SGCZ: variants seen among roughly 807,000 people sequenced by gnomAD.
SGCZ encodes sarcoglycan zeta.
SGCZ carries 40 observed loss-of-function variants against 41.3 expected under a neutral mutation model. That is an observed-to-expected ratio of 0.97 (90% CI 0.75 to 1.26). The LOEUF (loss-of-function observed/expected upper bound fraction) is 1.26. Among genes scored for constraint, SGCZ ranks in the 50% most tolerant of loss-of-function variants. SGCZ has a pLI of 0.00. For missense variants in SGCZ, 552 were observed against 369.8 expected (o/e 1.49, Z -4.04); for synonymous variants, 206 against 137.5 (o/e 1.50, Z -3.49).
intron 1 of SGCZ, among the ~76,000 whole-genome samples, chr8:14,905,103 G>A (rs1799084521): frequency 6.6e-6 from 1 of 151,822 alleles, no homozygotes; most frequent in Non-Finnish European, 1.5e-5. Context: ...AAATTATAAG[G>A]AGAAAAATTG....
chr8:14,650,809 T>A lies in SGCZ; in HGVS notation c.40-95883A>T, dbSNP rs1807373696. Among the ~76,000 whole-genome samples, 3 of 152,062 alleles carry A rather than the reference T, an allele frequency of 2.0e-5. No individual in the cohort carries two copies. The South Asian group carries it at 6.2e-4, about 31-fold the overall frequency. ...GGCTCGTTCATTATCACAGTAATAT[T>A]ACATTATAACAAATGTTTATGTGGT... On this transcript the variant is annotated intron_variant, in intron 1 of 7. Transcript: ENST00000382080.
At chr8:14,872,928 A>C (rs1296861951) in intron 1 of SGCZ, among the ~76,000 whole-genome samples, 1 of 152,110 alleles carries the variant, frequency 6.6e-6, no homozygotes, top group Non-Finnish European at 1.5e-5. Context: ...AGTTTCACTG[A>C]CTTGAGAGTT....
intron 1 of SGCZ, among the ~76,000 whole-genome samples, chr8:14,739,055 A>G (rs183325322): frequency 6.6e-6 from 1 of 152,168 alleles, no homozygotes; most frequent in Admixed American, 6.6e-5. Context: ...ATGTACCCAT[A>G]TTGATCTGTT....
At chr8:14,240,731 G>A (rs1798853264) in intron 3 of SGCZ, among the ~76,000 whole-genome samples, 1 of 152,026 alleles carries the variant, frequency 6.6e-6, no homozygotes, top group Non-Finnish European at 1.5e-5. Context: ...ATGCCTGTAG[G>A]ATCATCACTT....
chr8:15,131,480 T>C (rs962697601), intron 1 of SGCZ, among the ~76,000 whole-genome samples: 1 of 152,242 alleles, frequency 6.6e-6, no homozygotes, highest in South Asian at 2.1e-4. Flanking sequence ...TATGTCTTTA[T>C]CAGCAGTGTG....
intron 1 of SGCZ, among the ~76,000 whole-genome samples, chr8:14,979,949 C>T (rs1801606839): frequency 6.6e-6 from 1 of 152,124 alleles, no homozygotes. Flanking sequence ...CATATTTGTA[C>T]AACCTTGTTA....
chr8:14,554,912 T>C lies in SGCZ; in HGVS notation c.54A>G (p.Gln18=), dbSNP rs572795524. 3.1e-6 allele frequency: 5 copies of C among 1,605,108 alleles called. No individual in the cohort carries two copies. The South Asian group carries it at 4.4e-5, about 14-fold the overall frequency. ...TATTCTGTTGGGTTGCTAGTATGTA[T>C]TGTTCTCGTGTCATCTGAAAAAGAA... ...DIEELKMTRE[Q]YILATQQNNL... Residue 18 remains glutamine (Q), a synonymous_variant, in exon 2 of 8, where the codon CAA becomes CAG. Transcript: ENST00000382080.
chr8:14,139,354 T>C (rs1394863627), intron 5 of SGCZ, among the ~76,000 whole-genome samples: 1 of 151,978 alleles, frequency 6.6e-6, no homozygotes, highest in Non-Finnish European at 1.5e-5. Flanking sequence ...AGAGCAGAGC[T>C]GAAGGAGATA....
intron 7 of SGCZ, among the ~76,000 whole-genome samples, chr8:14,095,097 TTTC>T (rs1302232605): frequency 1.3e-5 from 2 of 152,168 alleles, no homozygotes; most frequent in East Asian, 3.9e-4. Context: ...CTGATGATAG[TTTC>T]TTTTGCTCTG....
chr8:14,987,082 A>T (rs1178405367), intron 1 of SGCZ, among the ~76,000 whole-genome samples: 2 of 152,084 alleles, frequency 1.3e-5, no homozygotes, highest in African/African-American at 4.8e-5. Context: ...TTTGTTCTGC[A>T]TAAAGACAGT....
intron 2 of SGCZ, among the ~76,000 whole-genome samples, chr8:14,379,092 A>T (rs551610207): frequency 6.6e-6 from 1 of 152,344 alleles, no homozygotes; most frequent in African/African-American, 2.4e-5. Flanking sequence ...CACTATTTTT[A>T]CTACCACTGA....
intron 3 of SGCZ, chr8:14,319,323 T>A (rs1226578088): frequency 6.6e-6 from 1 of 151,978 alleles, no homozygotes. Context: ...GTGCTTGGAC[T>A]TAATAGTGAA....
intron 1 of SGCZ, among the ~76,000 whole-genome samples, chr8:14,977,490 C>T (rs937001984): frequency 6.6e-6 from 1 of 152,168 alleles, no homozygotes; most frequent in African/African-American, 2.4e-5. Flanking sequence ...CTTTCATCCA[C>T]ATCATCTAAT....
rs914114051 is a variant in SGCZ at position 14,560,436 on chromosome 8, C to T, written c.40-5510G>A. Among the ~76,000 whole-genome samples, 19 of 151,806 alleles carry T rather than the reference C, an allele frequency of 1.3e-4. No individual in the cohort carries two copies. The East Asian group carries it at 2.3e-3, about 19-fold the overall frequency. ...ATTTAATGGGAAGAACAAGGAGGAGCGGAGAAGGGGAAGAATGTGGATGTA... is the reference window on the plus strand; with the variant it reads ...ATTTAATGGGAAGAACAAGGAGGAGTGGAGAAGGGGAAGAATGTGGATGTA... On this transcript the variant is annotated intron_variant, in intron 1 of 7. Coordinates refer to ENST00000382080, the MANE Select transcript of SGCZ (RefSeq NM_139167.4).
intron 3 of SGCZ, among the ~76,000 whole-genome samples, chr8:14,301,772 T>G (rs1271646289): frequency 6.6e-6 from 1 of 152,206 alleles, no homozygotes; most frequent in Admixed American, 6.5e-5. Flanking sequence ...TAATTTTTAC[T>G]TATCATGCTG....
chr8:14,136,503 A>G (rs1420815721), intron 5 of SGCZ, among the ~76,000 whole-genome samples: 2 of 152,132 alleles, frequency 1.3e-5, no homozygotes, highest in Non-Finnish European at 2.9e-5. Flanking sequence ...ATTATATCCC[A>G]CACCTGGCTC....
intron 1 of SGCZ, among the ~76,000 whole-genome samples, chr8:14,844,958 C>G (rs2130636821): frequency 6.6e-6 from 1 of 152,230 alleles, no homozygotes; most frequent in East Asian, 1.9e-4. Flanking sequence ...AGGAGGTTCT[C>G]TGAGTTGACA....
intron 2 of SGCZ, among the ~76,000 whole-genome samples, chr8:14,404,469 C>T (rs557744266): frequency 3.9e-5 from 6 of 152,238 alleles, no homozygotes; most frequent in African/African-American, 1.4e-4. Flanking sequence ...TCTTTTCACA[C>T]TTTGAAATAA....
At chr8:14,569,948 C>CTT (rs34294327) in intron 1 of SGCZ, among the ~76,000 whole-genome samples, 2 of 143,114 alleles carry the variant, frequency 1.4e-5, no homozygotes, top group African/African-American at 2.5e-5. Context: ...GCACTGGAAT[C>CTT]TTTTTTTTTT....
Sources: allele counts gnomAD v4.1 joint callset (sites outside exome capture counted in the v4.1 genomes callset), GRCh38; gene constraint gnomAD v4.1.1; transcripts MANE v1.5; gene names NCBI Gene and HGNC (gene_info 2026-07-23, HGNC 2026-07-21).